The following PXDNL variants were observed in gnomAD, a reference collection of about 807,000 sequenced individuals.
The protein encoded by PXDNL is peroxidasin like.
PXDNL carries 145 observed loss-of-function variants against 150.8 expected under a neutral mutation model. The ratio of observed to expected loss-of-function variants is 0.96; its 90% confidence interval spans 0.84 to 1.10. The LOEUF (loss-of-function observed/expected upper bound fraction) is 1.10. Ranked by LOEUF, PXDNL falls within the 50% of genes least tolerant of loss-of-function variation. PXDNL has a pLI of 0.00. For synonymous variants in PXDNL, 757 were observed against 725.7 expected (o/e 1.04, Z -0.69); for missense variants, 2,087 against 1,873.9 (o/e 1.11, Z -2.10).
At chr8:51,554,510 T>C (rs1812562156) in intron 4 of PXDNL, among the ~76,000 whole-genome samples, 1 of 152,218 alleles carries the variant, frequency 6.6e-6, no homozygotes, top group South Asian at 2.1e-4. Context: ...TACACTTCCC[T>C]TTTAATTATA....
chr8:51,707,461 A>G lies in PXDNL; in HGVS notation c.165-52701T>C, dbSNP rs149886438. ...ACTAAACATACTCATCACCTCCACA[A>G]ATTTTCTTGTATTTTTGTGTGGTTT... is the stretch of plus-strand genomic sequence containing the variant. On this transcript the variant is annotated intron_variant, in intron 1 of 22. Coordinates refer to ENST00000356297, the MANE Select transcript of PXDNL (RefSeq NM_144651.5). Among the ~76,000 whole-genome samples, 367 of 152,134 alleles carry G rather than the reference A, an allele frequency of 2.4e-3. 1 individual carries two copies. The highest frequency in any genetic ancestry group is 8.5e-3 in the African/African-American group (352 of 41,508).
At chr8:51,808,039 G>C (rs2037695985) in intron 1 of PXDNL, among the ~76,000 whole-genome samples, 1 of 152,178 alleles carries the variant, frequency 6.6e-6, no homozygotes. Flanking sequence ...TTAATGAAAT[G>C]CTTTATAGAA....
At position 51,391,127 on chromosome 8, in the gene PXDNL, T is replaced by C. The variant is rs1214607340; in HGVS notation, c.3558-16396A>G. 2.0e-5 allele frequency among the ~76,000 whole-genome samples: 3 copies of C among 152,348 alleles called. No individual in the cohort carries two copies. In the East Asian group the frequency reaches 5.8e-4, roughly 29 times the overall value. On this transcript the variant is annotated intron_variant, in intron 17 of 22. Coordinates refer to ENST00000356297, the MANE Select transcript of PXDNL (RefSeq NM_144651.5). ...TCCATGGTGTATATGTGCCACATTTTCTTAATCCAGTCTATGTTGGACATT... is the reference window on the plus strand; with the variant it reads ...TCCATGGTGTATATGTGCCACATTTCCTTAATCCAGTCTATGTTGGACATT...
chr8:51,547,819 T>C (rs986864692), intron 4 of PXDNL, among the ~76,000 whole-genome samples: 1 of 152,144 alleles, frequency 6.6e-6, no homozygotes, highest in African/African-American at 2.4e-5. Context: ...ACTAGCTCTC[T>C]AGCAATGGAT....
intron 1 of PXDNL, among the ~76,000 whole-genome samples, chr8:51,698,245 AC>A (rs1388192194): frequency 6.6e-6 from 1 of 152,244 alleles, no homozygotes; most frequent in African/African-American, 2.4e-5. Context: ...ATAGTATTTT[AC>A]CTACAGTAGA....
At chr8:51,331,648 C>A (rs957726261) in intron 21 of PXDNL, among the ~76,000 whole-genome samples, 1 of 152,076 alleles carries the variant, frequency 6.6e-6, no homozygotes, top group Admixed American at 6.5e-5. Context: ...GCAGGTGTCA[C>A]GGTGGGAATG....
At chr8:51,346,126 C>A (rs887917810) in intron 19 of PXDNL, among the ~76,000 whole-genome samples, 179 bp from the exon 20 acceptor site, 2 of 152,204 alleles carry the variant, frequency 1.3e-5, no homozygotes, top group African/African-American at 4.8e-5. Context: ...GTCTCAGATA[C>A]CTGCTTTTGC....
At chr8:51,421,795 T>C (rs61155462) in intron 14 of PXDNL, among the ~76,000 whole-genome samples, 32,395 of 152,204 alleles carry the variant, frequency 0.21, 4,091 homozygotes, top group African/African-American at 0.34. Flanking sequence ...AAGAATATTA[T>C]TCTACAAAAG....
chr8:51,505,118 T>C (rs1043232075), intron 4 of PXDNL, among the ~76,000 whole-genome samples: 1 of 152,214 alleles, frequency 6.6e-6, no homozygotes, highest in African/African-American at 2.4e-5. Flanking sequence ...CAAAGGGACA[T>C]GTTTGAATCA....
At chr8:51,372,111 C>G (rs199770812) in intron 18 of PXDNL, 30 bp from the exon 19 acceptor site, 1 of 1,510,560 alleles carries the variant, frequency 6.6e-7, no homozygotes, top group Non-Finnish European at 9.0e-7. Flanking sequence ...AAAACATTGT[C>G]GTGGGTCTGT....
rs59195880 is a variant in PXDNL, at chr8:51,608,836, C to CAAAAA, written c.237-16143_237-16139dup. On this transcript the variant is annotated intron_variant, in intron 2 of 22. Coordinates refer to ENST00000356297, the MANE Select transcript of PXDNL (RefSeq NM_144651.5). ...TAGGTGACAGAGCAAGACTCTGTCT[C>CAAAAA]AAAAAAAAAAAAAAAAAAAAAAAGA... Among the ~76,000 whole-genome samples the CAAAAA allele has an allele frequency of 4.2e-3, 248 of 59,212 alleles. 8 individuals are homozygous for CAAAAA. The highest frequency in any genetic ancestry group is 7.4e-3 in the African/African-American group (129 of 17,424). The allele number at this position is 59,212 out of a possible 152,430, so 38.8% of individuals were successfully genotyped here. A position where few individuals can be genotyped will look rare whatever the true frequency, so the allele number is the denominator to read the frequency against.
At position 51,408,213 on chromosome 8, in the gene PXDNL, C is replaced by T. The variant is rs960602759; in HGVS notation, c.3411G>A (p.Ser1137=). 3 of 1,613,860 alleles carry T rather than the reference C, an allele frequency of 1.9e-6. No homozygotes were observed. Among genetic ancestry groups the T allele is most frequent in the African/African-American group, 1.3e-5 (1 of 74,930 alleles). ...TACCCCTTTGAATGATGGTGGCAGC[C>T]GAATCCACGGCCGCAGAATAAGCCG... is the stretch of plus-strand genomic sequence containing the variant. ...FSAAYSAAVD[S]AATIIQRGRD... is the part of the protein sequence containing the mutation. The change falls in exon 17 of 23, where the codon TCG becomes TCA. Residue 1137 remains serine, a synonymous_variant. Coordinates refer to ENST00000356297, the MANE Select transcript of PXDNL (RefSeq NM_144651.5).
At chr8:51,589,573 T>C (rs959271324) in intron 3 of PXDNL, among the ~76,000 whole-genome samples, 3 of 152,182 alleles carry the variant, frequency 2.0e-5, no homozygotes, top group African/African-American at 7.2e-5. Flanking sequence ...TATTGGAAGC[T>C]GGATTAAAGG....
At chr8:51,740,594 T>C (rs192170297) in intron 1 of PXDNL, among the ~76,000 whole-genome samples, 8 of 152,356 alleles carry the variant, frequency 5.3e-5, no homozygotes, top group Non-Finnish European at 7.4e-5. Context: ...GATTTGCTTT[T>C]TTTCATATGT....
intron 10 of PXDNL, among the ~76,000 whole-genome samples, chr8:51,450,108 T>C (rs563058812): frequency 1.4e-4 from 22 of 152,316 alleles, no homozygotes; most frequent in African/African-American, 4.8e-4. Flanking sequence ...TTTTAGACCA[T>C]AAAAGGCAAC....
intron 21 of PXDNL, among the ~76,000 whole-genome samples, chr8:51,336,272 C>A (rs1563362956): frequency 1.3e-5 from 2 of 152,126 alleles, no homozygotes; most frequent in Non-Finnish European, 2.9e-5. Context: ...TGATTTTTCA[C>A]AAAACAAAGG....
chr8:51,380,207 C>T (rs1487461135), intron 17 of PXDNL, among the ~76,000 whole-genome samples: 1 of 152,078 alleles, frequency 6.6e-6, no homozygotes, highest in African/African-American at 2.4e-5. Context: ...TCAAAGCCAT[C>T]CTGGGCTGCG....
At chr8:51,761,046 T>TTTC in intron 1 of PXDNL, among the ~76,000 whole-genome samples, 1 of 140,822 alleles carries the variant, frequency 7.1e-6, no homozygotes, top group East Asian at 2.1e-4. Flanking sequence ...TTTTTTTTTT[T>TTTC]GTATTTTTAG....
chr8:51,328,466 C>T (rs1200039231), intron 21 of PXDNL, among the ~76,000 whole-genome samples: 2 of 152,156 alleles, frequency 1.3e-5, no homozygotes, highest in African/African-American at 2.4e-5. Flanking sequence ...AATTCTAATG[C>T]TAATCTCTTC....
Sources: gnomAD v4.1 joint callset for allele counts (sites outside exome capture counted in the v4.1 genomes callset) on GRCh38, gnomAD v4.1.1 for gene constraint, MANE v1.5 for transcripts, NCBI Gene and HGNC (gene_info 2026-07-23, HGNC 2026-07-21) for gene names.